Variants in UNC5D observed in about 807,000 individuals in gnomAD.
UNC5D encodes netrin receptor UNC5D.
In UNC5D, 39 loss-of-function variants were observed where a neutral mutation model predicts 105.4. The ratio of observed to expected loss-of-function variants is 0.37; its 90% CI spans 0.29 to 0.48. The LOEUF (loss-of-function observed/expected upper bound fraction) is 0.48, where lower values mean the gene tolerates loss of function less well. Ranked by LOEUF, UNC5D falls within the 20% of genes least tolerant of loss-of-function variation. The pLI, the probability that UNC5D is intolerant of heterozygous loss-of-function variation, is 0.98. For missense variants in UNC5D, 991 were observed against 1,202.4 expected, an observed-to-expected ratio of 0.82 and a Z score of 2.60; for synonymous variants, 452 against 450.4, an observed-to-expected ratio of 1.00 and a Z score of -0.04.
chr8:35,493,597 G>T (rs1250390810), intron 1 of UNC5D, among the ~76,000 whole-genome samples: 4 of 151,510 alleles, frequency 2.6e-5, no homozygotes, highest in African/African-American at 7.3e-5. Flanking sequence ...AAACAAAAAA[G>T]CAAGCAAAAA....
At chr8:35,559,091 A>G (rs1203760262) in intron 2 of UNC5D, among the ~76,000 whole-genome samples, 1 of 152,184 alleles carries the variant, frequency 6.6e-6, no homozygotes, top group South Asian at 2.1e-4. Context: ...TACTGGAGTA[A>G]TTCTTTGGGA....
chr8:35,343,070 G>A (rs1248256148), intron 1 of UNC5D, among the ~76,000 whole-genome samples: 1 of 152,084 alleles, frequency 6.6e-6, no homozygotes, highest in Non-Finnish European at 1.5e-5. Context: ...GTTCTGGGAT[G>A]AGCCCTAAGG....
intron 1 of UNC5D, among the ~76,000 whole-genome samples, chr8:35,476,131 C>T (rs1290500133): frequency 6.6e-6 from 1 of 152,182 alleles, no homozygotes. Context: ...CTCTTTGGCT[C>T]AGGATTGTTT....
At chr8:35,489,502 T>C (rs1277333246) in intron 1 of UNC5D, among the ~76,000 whole-genome samples, 2 of 152,118 alleles carry the variant, frequency 1.3e-5, no homozygotes, top group African/African-American at 2.4e-5. Context: ...CTTATACGAA[T>C]AGAAATTTGG....
intron 11 of UNC5D, among the ~76,000 whole-genome samples, chr8:35,734,016 G>A (rs1166061218): frequency 1.3e-5 from 2 of 151,940 alleles, no homozygotes; most frequent in African/African-American, 2.4e-5. Context: ...AAGTCACCCT[G>A]ATGCCAGAAC....
chr8:35,606,050 T>A (rs530241139), intron 4 of UNC5D, among the ~76,000 whole-genome samples: 1 of 151,576 alleles, frequency 6.6e-6, no homozygotes, highest in Non-Finnish European at 1.5e-5. Context: ...TGCAACGGTG[T>A]GATCTCGGCT....
intron 3 of UNC5D, among the ~76,000 whole-genome samples, chr8:35,594,593 A>G (rs1819373827): frequency 6.6e-6 from 1 of 152,074 alleles, no homozygotes; most frequent in Non-Finnish European, 1.5e-5. Context: ...AGCAAGAATT[A>G]CCCTCGTTCT....
intron 1 of UNC5D, among the ~76,000 whole-genome samples, chr8:35,303,470 A>G (rs1808110326): frequency 6.6e-6 from 1 of 152,214 alleles, no homozygotes; most frequent in South Asian, 2.1e-4. Flanking sequence ...GTGTAGGTTT[A>G]GATAATTAGA....
At chr8:35,653,150 G>A (rs1044572964) in intron 4 of UNC5D, among the ~76,000 whole-genome samples, 8 of 151,764 alleles carry the variant, frequency 5.3e-5, no homozygotes, top group East Asian at 1.9e-4. Flanking sequence ...GGATAGTCTC[G>A]ATCTCTTGAC....
chr8:35,276,051 G>A (rs558764881), intron 1 of UNC5D, among the ~76,000 whole-genome samples: 4 of 152,176 alleles, frequency 2.6e-5, no homozygotes, highest in Admixed American at 2.0e-4. Flanking sequence ...AATGATTCAT[G>A]GAAATTGAAG....
At chr8:35,628,610 G>A (rs1190542518) in intron 4 of UNC5D, among the ~76,000 whole-genome samples, 2 of 152,004 alleles carry the variant, frequency 1.3e-5, no homozygotes, top group Admixed American at 1.3e-4. Context: ...TTAAAACTTT[G>A]CAACTAGTCT....
chr8:35,659,082 G>A (rs2131221721), intron 4 of UNC5D, among the ~76,000 whole-genome samples: 1 of 152,318 alleles, frequency 6.6e-6, no homozygotes, highest in African/African-American at 2.4e-5. Flanking sequence ...CTGAGTGGCT[G>A]AGACAATGTT....
chr8:35,699,516 G>A (rs1025056401), intron 7 of UNC5D, among the ~76,000 whole-genome samples: 2 of 152,128 alleles, frequency 1.3e-5, no homozygotes, highest in Non-Finnish European at 2.9e-5. Context: ...TTATGTGGGT[G>A]ATTTTGCCAT....
chr8:35,367,166 A>T (rs1049222926), intron 1 of UNC5D, among the ~76,000 whole-genome samples: 2 of 152,154 alleles, frequency 1.3e-5, no homozygotes, highest in African/African-American at 4.8e-5. Flanking sequence ...ATCATGGGGT[A>T]CTTTTCTGCT....
At chr8:35,287,271 C>T (rs774862881) in intron 1 of UNC5D, among the ~76,000 whole-genome samples, 3 of 151,704 alleles carry the variant, frequency 2.0e-5, no homozygotes, top group Admixed American at 2.0e-4. Context: ...TGTAATAGAC[C>T]CAGAATAAAT....
At chr8:35,327,243 A>C (rs1169856945) in intron 1 of UNC5D, among the ~76,000 whole-genome samples, 1 of 152,112 alleles carries the variant, frequency 6.6e-6, no homozygotes, top group African/African-American at 2.4e-5. Flanking sequence ...CATACAGCTC[A>C]CTCGCTTGCA....
chr8:35,719,717 A>T (rs1056953300), intron 8 of UNC5D, among the ~76,000 whole-genome samples: 11 of 152,172 alleles, frequency 7.2e-5, no homozygotes. Flanking sequence ...GCTGAATTTT[A>T]TAATTCCCAG....
intron 1 of UNC5D, among the ~76,000 whole-genome samples, chr8:35,271,363 GTGCACGTGTGTATGTATATGTACACACA>G (rs1563267317): frequency 2.1e-3 from 212 of 99,232 alleles, no homozygotes; most frequent in South Asian, 4.6e-3. Flanking sequence ...GCATACACAC[GTGCACGTGTGTATGTATATGTACACACA>G]TGCACGTGTG....
intron 1 of UNC5D, among the ~76,000 whole-genome samples, chr8:35,518,137 T>C (rs1312194191): frequency 1.3e-5 from 2 of 152,168 alleles, no homozygotes; most frequent in Non-Finnish European, 2.9e-5. Flanking sequence ...AGCACTTGTG[T>C]ATCTTTAACC....
Sources: gnomAD v4.1 joint callset for allele counts (sites outside exome capture counted in the v4.1 genomes callset) on GRCh38, gnomAD v4.1.1 for gene constraint, MANE v1.5 for transcripts, NCBI Gene and HGNC (gene_info 2026-07-23, HGNC 2026-07-21) for gene names.